The following EYS variants were observed in gnomAD, a reference collection of about 807,000 sequenced individuals.
The protein encoded by EYS is EGF-like photoreceptor maintenance factor.
In EYS, 250 loss-of-function variants were observed where a neutral mutation model predicts 282.1. The observed-to-expected ratio is 0.89, with a 90% confidence interval of 0.80 to 0.98. The LOEUF (loss-of-function observed/expected upper bound fraction) is 0.98, where lower values mean the gene tolerates loss of function less well. Among genes scored for constraint, EYS ranks in the 50% least tolerant of loss-of-function variants. EYS has a pLI of 0.00. For synonymous variants in EYS, 1,355 were observed against 1,282.9 expected (o/e 1.06, Z -1.20); for missense variants, 4,016 against 3,709.0 (o/e 1.08, Z -2.15).
At chr6:64,461,172 GA>G (rs767753422) in intron 26 of EYS, among the ~76,000 whole-genome samples, 2 of 152,144 alleles carry the variant, frequency 1.3e-5, no homozygotes, top group Non-Finnish European at 2.9e-5. Flanking sequence ...GCTGCTTGTT[GA>G]AAACTCTAAG....
chr6:65,299,606 C>T (rs938717501), intron 11 of EYS, among the ~76,000 whole-genome samples: 1 of 111,078 alleles, frequency 9.0e-6, no homozygotes, highest in East Asian at 7.2e-4. Flanking sequence ...TCATCAAATA[C>T]TATGTAAATA....
At chr6:64,146,154 A>G (rs1017879159) in intron 31 of EYS, among the ~76,000 whole-genome samples, 8 of 152,158 alleles carry the variant, frequency 5.3e-5, no homozygotes, top group African/African-American at 1.9e-4. Flanking sequence ...TTCATGGGTT[A>G]TATTTATGAG....
At chr6:64,961,302 G>T (rs1484231673) in intron 14 of EYS, among the ~76,000 whole-genome samples, 1 of 152,164 alleles carries the variant, frequency 6.6e-6, no homozygotes, top group East Asian at 1.9e-4. Context: ...GTTTCCCAAA[G>T]GAACATTTTG....
At chr6:63,742,085 T>G (rs963519825) in intron 41 of EYS, 12 of 661,174 alleles carry the variant, frequency 1.8e-5, no homozygotes, top group Non-Finnish European at 3.1e-5. Flanking sequence ...TGAAACCTCT[T>G]TAACTCTTCA....
chr6:64,234,493 T>C (rs1380591899), intron 30 of EYS, among the ~76,000 whole-genome samples: 1 of 152,204 alleles, frequency 6.6e-6, no homozygotes, highest in African/African-American at 2.4e-5. Context: ...ATATTTAAGT[T>C]GTTTTAAGTT....
intron 5 of EYS, among the ~76,000 whole-genome samples, chr6:65,407,056 A>G (rs1766776084): frequency 2.0e-5 from 3 of 152,094 alleles, no homozygotes; most frequent in African/African-American, 7.2e-5. Flanking sequence ...ATTGGGAAAA[A>G]TTTCCATCCC....
chr6:64,313,261 T>A (rs539558719), intron 29 of EYS, among the ~76,000 whole-genome samples: 168 of 151,934 alleles, frequency 1.1e-3, no homozygotes, highest in Middle Eastern at 3.4e-3. Context: ...GCCAAATCGA[T>A]CAAGCAGAAG....
chr6:65,202,846 C>T (rs372351219), intron 12 of EYS, among the ~76,000 whole-genome samples: 89 of 152,228 alleles, frequency 5.8e-4, no homozygotes, highest in African/African-American at 1.8e-3. Context: ...TGAGTTGGCT[C>T]TTCCTCTGAG....
At chr6:64,528,837 G>A (rs1778006519) in intron 26 of EYS, among the ~76,000 whole-genome samples, 1 of 151,970 alleles carries the variant, frequency 6.6e-6, no homozygotes, top group African/African-American at 2.4e-5. Context: ...TCATGTTACA[G>A]ATTTGGTGAA....
At chr6:64,721,069 G>T (rs1048294741) in intron 22 of EYS, among the ~76,000 whole-genome samples, 36 of 152,078 alleles carry the variant, frequency 2.4e-4, no homozygotes, top group Admixed American at 1.7e-3. Flanking sequence ...TAATTATCAA[G>T]TGTCTACAAA....
intron 26 of EYS, among the ~76,000 whole-genome samples, chr6:64,444,167 C>T (rs1225345549): frequency 6.6e-6 from 1 of 152,078 alleles, no homozygotes; most frequent in African/African-American, 2.4e-5. Flanking sequence ...TTCTGATTTG[C>T]CTCTTTCTGA....
At chr6:65,656,029 G>A (rs1767810231) in intron 1 of EYS, among the ~76,000 whole-genome samples, 1 of 151,692 alleles carries the variant, frequency 6.6e-6, no homozygotes, top group South Asian at 2.1e-4. Context: ...TATTATATCT[G>A]TTAAGGTGAT....
At chr6:65,197,254 T>C (rs1765792380) in intron 12 of EYS, among the ~76,000 whole-genome samples, 1 of 152,074 alleles carries the variant, frequency 6.6e-6, no homozygotes, top group African/African-American at 2.4e-5. Flanking sequence ...TAGTGATAAA[T>C]ACCAGGATGG....
intron 41 of EYS, among the ~76,000 whole-genome samples, chr6:63,727,737 A>ATAT (rs1421811302): frequency 8.2e-5 from 3 of 36,732 alleles, no homozygotes; most frequent in African/African-American, 2.7e-4. Flanking sequence ...AAAAAAAAAA[A>ATAT]ATATATATAT....
chr6:65,113,326 T>C (rs1242590457), intron 12 of EYS, among the ~76,000 whole-genome samples: 2 of 151,976 alleles, frequency 1.3e-5, no homozygotes, highest in Non-Finnish European at 2.9e-5. Flanking sequence ...CAATGAGAAA[T>C]TGACAATCTA....
intron 33 of EYS, among the ~76,000 whole-genome samples, chr6:64,038,568 G>A (rs776297001): frequency 2.0e-5 from 3 of 151,432 alleles, no homozygotes; most frequent in Admixed American, 2.0e-4. Context: ...TGCAATATTA[G>A]GATATACTTT....
chr6:64,151,359 A>ATG (rs1774724733), intron 31 of EYS, among the ~76,000 whole-genome samples: 1 of 88,870 alleles, frequency 1.1e-5, no homozygotes, highest in Non-Finnish European at 2.3e-5. Flanking sequence ...ATATATATAT[A>ATG]TATAATTTTT....
At chr6:65,199,528 T>G (rs1765849344) in intron 12 of EYS, among the ~76,000 whole-genome samples, 1 of 152,132 alleles carries the variant, frequency 6.6e-6, no homozygotes, top group Non-Finnish European at 1.5e-5. Context: ...AAGCAGCGTA[T>G]AATTTATTTA....
rs571893460 is a variant in EYS at position 64,113,122 on chromosome 6, A to T, written c.6425-31120T>A. Among the ~76,000 whole-genome samples, 13 of 152,282 alleles carry T rather than the reference A, an allele frequency of 8.5e-5. No homozygotes were observed. The East Asian group carries it at 1.7e-3, about 20-fold the overall frequency. ...TAGACAAAATGCAGACTGTAATATG[A>T]TATACAAAGTCCATTTGAAACTATT... On this transcript the variant is annotated intron_variant, in intron 31 of 42. Coordinates refer to ENST00000503581, the MANE Select transcript of EYS (RefSeq NM_001142800.2).
Sources: allele counts gnomAD v4.1 joint callset (sites outside exome capture counted in the v4.1 genomes callset), GRCh38; gene constraint gnomAD v4.1.1; transcripts MANE v1.5; gene names NCBI Gene and HGNC (gene_info 2026-07-23, HGNC 2026-07-21).